USP37: variants seen among roughly 807,000 people sequenced by gnomAD.
USP37 encodes the protein ubiquitin specific peptidase 37.
USP37 carries 27 observed loss-of-function variants against 124.0 expected under a neutral mutation model. That is an observed-to-expected ratio of 0.22 (90% confidence interval 0.16 to 0.30). The LOEUF (loss-of-function observed/expected upper bound fraction) is 0.30, where lower values mean the gene tolerates loss of function less well. Ranked by LOEUF, USP37 falls within the 10% of genes least tolerant of loss-of-function variation. The probability of loss-of-function intolerance (pLI) is 1.00; values close to 1 mark genes in which losing one functional copy is unlikely to be tolerated. For synonymous variants in USP37, 365 were observed against 388.0 expected (o/e 0.94, Z 0.70); for missense variants, 889 against 1,140.4 (o/e 0.78, Z 3.17).
chr2:218,549,854 G>A lies in USP37; in HGVS notation c.384C>T (p.Thr128=), dbSNP rs967425231. Residue 128 remains threonine (T), a synonymous_variant, in exon 6 of 26, where the codon ACC becomes ACT. Transcript: ENST00000258399. The part of the protein sequence containing the change: ...GSFGAILGSR[T]SQKETSRQLS... The stretch of plus-strand genomic sequence containing the variant: ...GCTGCCTGCTGGTTTCCTTCTGTGA[G>A]GTCCTGCTGCCCAGAATGGCTCCAA... The A allele has an allele frequency of 6.2e-7, 1 of 1,613,088 alleles. No individual in the cohort carries two copies. Among genetic ancestry groups the A allele is most frequent in the Non-Finnish European group, 8.5e-7 (1 of 1,179,694 alleles).
intron 3 of USP37, among the ~76,000 whole-genome samples, chr2:218,559,028 C>T (rs1693176022): frequency 6.7e-6 from 1 of 149,380 alleles, no homozygotes; most frequent in Non-Finnish European, 1.5e-5. Context: ...TGTGTTCAGG[C>T]CAGGCATGGT....
At chr2:218,527,492 C>T (rs1691045558) in intron 10 of USP37, among the ~76,000 whole-genome samples, 1 of 152,220 alleles carries the variant, frequency 6.6e-6, no homozygotes, top group African/African-American at 2.4e-5. Flanking sequence ...TTGTGTTCTC[C>T]ACATTCCTTA....
Position 218,476,846 on chromosome 2 carries a change from C to T in USP37, c.2037G>A (p.Leu679=). The T allele has an allele frequency of 6.3e-7, 1 of 1,589,418 alleles. No individual in the cohort carries two copies. Among genetic ancestry groups the T allele is most frequent in the South Asian group, 1.2e-5 (1 of 86,114 alleles). ...TTAAGAAAATATTACTTACTTTTTCCAGGTCTTCCTGCTGCTGTTCGTTGC... is the reference window on the plus strand; with the variant it reads ...TTAAGAAAATATTACTTACTTTTTCTAGGTCTTCCTGCTGCTGTTCGTTGC... ...MLGNEQQQED[L]EKDSKLCPIE... Residue 679 remains leucine, a synonymous_variant, in exon 19 of 26, where the codon CTG becomes CTA. Coordinates refer to ENST00000258399, the MANE Select transcript of USP37 (RefSeq NM_020935.3).
intron 6 of USP37, among the ~76,000 whole-genome samples, chr2:218,547,612 C>A (rs588182): frequency 0.66 from 98,484 of 148,304 alleles, 33,009 homozygotes; most frequent in East Asian, 0.9. Flanking sequence ...AAGACACACA[C>A]AGACATGGCT....
chr2:218,471,075 C>T (rs1690658083), intron 20 of USP37, among the ~76,000 whole-genome samples: 1 of 151,982 alleles, frequency 6.6e-6, no homozygotes. Context: ...CATTTAGTGC[C>T]CATTTAAGAG....
intron 8 of USP37, among the ~76,000 whole-genome samples, chr2:218,544,406 A>AATATATATATATATAT (rs1198499526): frequency 2.4e-5 from 2 of 82,974 alleles, no homozygotes; most frequent in African/African-American, 1.4e-4. Flanking sequence ...AAAAAAAAAA[A>AATATATATATATATAT]ATATATATAT....
intron 21 of USP37, among the ~76,000 whole-genome samples, chr2:218,465,799 G>A (rs890138139): frequency 3.9e-5 from 6 of 152,002 alleles, no homozygotes; most frequent in Non-Finnish European, 8.8e-5. Flanking sequence ...CAAGTGATCC[G>A]TCCGCCTCAG....
chr2:218,468,766 T>C (rs1454467113), intron 20 of USP37, among the ~76,000 whole-genome samples: 4 of 152,070 alleles, frequency 2.6e-5, no homozygotes, highest in Non-Finnish European at 5.9e-5. Flanking sequence ...CAATCTCGGC[T>C]CACTGCAACC....
intron 1 of USP37, among the ~76,000 whole-genome samples, chr2:218,565,703 C>T (rs1693557800): frequency 2.6e-5 from 4 of 152,130 alleles, no homozygotes; most frequent in African/African-American, 4.8e-5. Context: ...GGTCACTAGC[C>T]TATATTCTAA....
intron 16 of USP37, among the ~76,000 whole-genome samples, chr2:218,483,706 C>T (rs1325969594): frequency 6.6e-6 from 1 of 151,832 alleles, no homozygotes; most frequent in African/African-American, 2.4e-5. Flanking sequence ...AGAGAAAAGA[C>T]ATCCAGCATG....
intron 1 of USP37, among the ~76,000 whole-genome samples, 177 bp from the exon 2 acceptor site, chr2:218,562,990 C>T (rs1693387189): frequency 6.6e-6 from 1 of 151,776 alleles, no homozygotes; most frequent in African/African-American, 2.4e-5. Context: ...ATGGAGAAAC[C>T]CCGTCTCTAC....
intron 15 of USP37, 82 bp downstream of exon 15, chr2:218,488,222 A>G (rs1310994372): frequency 8.6e-6 from 8 of 926,778 alleles, no homozygotes; most frequent in Non-Finnish European, 1.3e-5. Context: ...CTTTGCCTTG[A>G]AGAAACCAAC....
intron 5 of USP37, among the ~76,000 whole-genome samples, chr2:218,552,651 G>GA (rs67057313): frequency 9.2e-5 from 14 of 151,354 alleles, no homozygotes; most frequent in African/African-American, 1.7e-4. Context: ...TGCATTAAAA[G>GA]AAAAAAAAAC....
At chr2:218,565,963 C>T (rs1188599482) in intron 1 of USP37, among the ~76,000 whole-genome samples, 5 of 152,184 alleles carry the variant, frequency 3.3e-5, no homozygotes, top group Non-Finnish European at 2.9e-5. Flanking sequence ...ACAAGAGAAT[C>T]GCTTGAATTT....
chr2:218,489,016 G>A (rs1691755690), intron 14 of USP37, among the ~76,000 whole-genome samples: 1 of 152,044 alleles, frequency 6.6e-6, no homozygotes, highest in African/African-American at 2.4e-5. Context: ...ACCTGTCGCA[G>A]GTATACAGCT....
At chr2:218,457,786 G>A (rs1050257931) in intron 23 of USP37, among the ~76,000 whole-genome samples, 3 of 151,990 alleles carry the variant, frequency 2.0e-5, no homozygotes, top group African/African-American at 4.8e-5. Flanking sequence ...GGTGGCTCAC[G>A]CCTGTAATCC....
intron 20 of USP37, among the ~76,000 whole-genome samples, chr2:218,466,934 T>C (rs1690361406): frequency 6.6e-6 from 1 of 152,032 alleles, no homozygotes; most frequent in African/African-American, 2.4e-5. Context: ...TTTCATCACA[T>C]TGGCCAGGCT....
intron 10 of USP37, chr2:218,528,683 T>C (rs1208042154): frequency 1.6e-5 from 7 of 427,870 alleles, no homozygotes; most frequent in Non-Finnish European, 2.9e-5. Context: ...TTGATGGGCA[T>C]TTGCCATTAC....
Position 218,546,970 on chromosome 2 carries a change from G to C in USP37, c.551C>G (p.Pro184Arg). The C allele has an allele frequency of 6.2e-7, 1 of 1,612,720 alleles. No homozygotes were observed. The highest frequency in any genetic ancestry group is 8.5e-7 in the Non-Finnish European group (1 of 1,179,660). The change falls in exon 7 of 26, where the codon CCT becomes CGT. Residue 184 changes from proline (P) to arginine (R), a missense_variant. This residue lies in a region of USP37 where 374 missense variants were observed against 386.0 expected (regional missense o/e 0.97). Transcript: ENST00000258399. ...AGGTGTTGAAGTAGATGTCAAAGAAGGAATCGTCCGAGCTATTCCACTTCC... is the reference window on the plus strand; with the variant it reads ...AGGTGTTGAAGTAGATGTCAAAGAACGAATCGTCCGAGCTATTCCACTTCC... Reference protein sequence around the residue: ...VAGSGIARTIPSLTSTSTPLR... With the variant: ...VAGSGIARTIRSLTSTSTPLR...
Sources: gnomAD v4.1 joint callset for allele counts (sites outside exome capture counted in the v4.1 genomes callset) on GRCh38, gnomAD v4.1.1 for gene constraint, gnomAD v4.1.1 regional missense constraint, MANE v1.5 for transcripts, NCBI Gene and HGNC (gene_info 2026-07-23, HGNC 2026-07-21) for gene names.